The following DCUN1D4 variants were observed in gnomAD, a reference collection of about 807,000 sequenced individuals.
DCUN1D4 encodes the protein DCN1-like protein 4.
In DCUN1D4, 22 loss-of-function variants were observed where a neutral mutation model predicts 47.9. The ratio of observed to expected loss-of-function variants is 0.46; its 90% CI spans 0.33 to 0.66. DCUN1D4 has a LOEUF of 0.66. Among genes scored for constraint, DCUN1D4 ranks in the 30% least tolerant of loss-of-function variants. The probability of loss-of-function intolerance (pLI) is 0.02; values close to 1 mark genes in which losing one functional copy is unlikely to be tolerated. For synonymous variants in DCUN1D4, 121 were observed against 112.2 expected (o/e 1.08, Z -0.50); for missense variants, 301 against 340.8 (o/e 0.88, Z 0.92).
intron 4 of DCUN1D4, chr4:51,875,146 T>C (rs943883321): frequency 8.5e-5 from 13 of 152,184 alleles, no homozygotes; most frequent in Non-Finnish European, 1.6e-4. Flanking sequence ...TTTCTTGCTG[T>C]GACTCAGAGG....
At chr4:51,865,482 C>G (rs566744612) in intron 3 of DCUN1D4, 14 of 153,600 alleles carry the variant, frequency 9.1e-5, no homozygotes, top group Admixed American at 4.6e-4. Flanking sequence ...ACCTCCTCCA[C>G]AGACCAGAGA....
Position 51,915,691 on chromosome 4 carries a change from A to G in DCUN1D4, c.*2107A>G, listed in dbSNP as rs192736804. On this transcript the variant is annotated 3_prime_UTR_variant, in exon 11 of 11. Coordinates refer to ENST00000334635, the MANE Select transcript of DCUN1D4 (RefSeq NM_001040402.3). ...ATGAAGTTATTTTAAACACTATGTT[A>G]GAATATAGAGATTTTTAAAAAATGC... The G allele has an allele frequency of 6.5e-6, 1 of 152,716 alleles. No individual in the cohort carries two copies. The allele number at this position is 152,716 out of a possible 1,614,324, so 9.5% of individuals were successfully genotyped here.
At chr4:51,836,598 C>A in the DCUN1D4 span, among the ~76,000 whole-genome samples, 1 of 152,230 alleles carries the variant, frequency 6.6e-6, no homozygotes, top group South Asian at 2.1e-4. Flanking sequence ...GTGGCTGAGG[C>A]GGCTGTAACC....
In DCUN1D4 at chr4:51,843,179, G is replaced by A. The variant is rs1323716306; in HGVS notation, c.-64G>A. On this transcript the variant is annotated 5_prime_UTR_variant, in exon 1 of 11. Coordinates refer to ENST00000334635, the MANE Select transcript of DCUN1D4 (RefSeq NM_001040402.3). ...GCTTCGAGCCGAGGTGCAGTGAGCT[G>A]GTGGGGGGACCGCGAGGCGAGCGCG... The A allele has an allele frequency of 1.3e-5, 20 of 1,534,976 alleles. No homozygotes were observed. Among genetic ancestry groups the A allele is most frequent in the African/African-American group, 2.8e-5 (2 of 71,852 alleles).
intron 6 of DCUN1D4, among the ~76,000 whole-genome samples, 190 bp from the exon 7 acceptor site, chr4:51,891,570 G>T (rs994862673): frequency 6.6e-6 from 1 of 152,114 alleles, no homozygotes; most frequent in Non-Finnish European, 1.5e-5. Context: ...AGACTATATT[G>T]TCAACTTTTT....
chr4:51,857,546 C>A (rs1335312740), intron 1 of DCUN1D4, among the ~76,000 whole-genome samples: 4 of 152,168 alleles, frequency 2.6e-5, no homozygotes, highest in African/African-American at 9.7e-5. Flanking sequence ...GTTTCAGGGT[C>A]CTGGGAGCAC....
chr4:51,856,643 C>G (rs2109854313), intron 1 of DCUN1D4, among the ~76,000 whole-genome samples: 1 of 152,254 alleles, frequency 6.6e-6, no homozygotes, highest in South Asian at 2.1e-4. Context: ...AAGAGTTTTG[C>G]CCAGCTTGGC....
intron 5 of DCUN1D4, chr4:51,884,446 CAA>C (rs1391521635): frequency 5.3e-5 from 8 of 152,304 alleles, no homozygotes; most frequent in Admixed American, 5.2e-4. Flanking sequence ...ATGTGTCTAA[CAA>C]ATGTTATGGG....
At chr4:51,893,931 T>C (rs911885539) in intron 7 of DCUN1D4, among the ~76,000 whole-genome samples, 2 of 152,210 alleles carry the variant, frequency 1.3e-5, no homozygotes, top group African/African-American at 4.8e-5. Context: ...AAAAGAATAT[T>C]ACCTGATACC....
At chr4:51,890,632 C>T (rs1316070789) in intron 6 of DCUN1D4, among the ~76,000 whole-genome samples, 1 of 152,088 alleles carries the variant, frequency 6.6e-6, no homozygotes, top group Non-Finnish European at 1.5e-5. Context: ...TCTTCTTTAC[C>T]TTTTTAGGAC....
At chr4:51,899,760 C>T (rs1273228714) in intron 8 of DCUN1D4, among the ~76,000 whole-genome samples, 2 of 152,150 alleles carry the variant, frequency 1.3e-5, no homozygotes, top group African/African-American at 2.4e-5. Context: ...TCAGATTCAC[C>T]GTGGGTGCTA....
chr4:51,872,050 G>T (rs1342026821), intron 3 of DCUN1D4, among the ~76,000 whole-genome samples: 1 of 152,200 alleles, frequency 6.6e-6, no homozygotes, highest in African/African-American at 2.4e-5. Flanking sequence ...CCCCAGGAAT[G>T]GTGGCTGAGG....
chr4:51,893,642 G>A (rs1211196770), intron 7 of DCUN1D4, among the ~76,000 whole-genome samples: 1 of 152,128 alleles, frequency 6.6e-6, no homozygotes, highest in Non-Finnish European at 1.5e-5. Flanking sequence ...GGCTAGGCTC[G>A]AACTCCTGAC....
At chr4:51,907,407 A>G (rs1733057381) in intron 8 of DCUN1D4, among the ~76,000 whole-genome samples, 1 of 152,122 alleles carries the variant, frequency 6.6e-6, no homozygotes, top group African/African-American at 2.4e-5. Flanking sequence ...ACAGCCCTCT[A>G]TTTTTATCTT....
chr4:51,904,344 C>T (rs1333979198), intron 8 of DCUN1D4, among the ~76,000 whole-genome samples: 7 of 152,144 alleles, frequency 4.6e-5, no homozygotes, highest in Admixed American at 3.9e-4. Context: ...GACTTCTGCT[C>T]ACTCATTTGC....
At chr4:51,893,028 C>A (rs1262305383) in intron 7 of DCUN1D4, among the ~76,000 whole-genome samples, 1 of 152,170 alleles carries the variant, frequency 6.6e-6, no homozygotes, top group Admixed American at 6.5e-5. Context: ...CACTATTCTC[C>A]CATTTGAATG....
chr4:51,899,444 AG>A, intron 8 of DCUN1D4, 66 bp downstream of exon 8: 2 of 1,516,010 alleles, frequency 1.3e-6, no homozygotes, highest in African/African-American at 1.4e-5. Context: ...TTGCCTTTTG[AG>A]GTTAGTTTTT....
chr4:51,881,375 C>T (rs1728588148), intron 5 of DCUN1D4, among the ~76,000 whole-genome samples: 1 of 152,120 alleles, frequency 6.6e-6, no homozygotes, highest in Non-Finnish European at 1.5e-5. Flanking sequence ...CAGTCATGGA[C>T]AGTTGCAACA....
chr4:51,900,409 A>G (rs185508885), intron 8 of DCUN1D4, among the ~76,000 whole-genome samples: 2 of 152,306 alleles, frequency 1.3e-5, no homozygotes, highest in East Asian at 3.9e-4. Context: ...ACAGTGTTTG[A>G]TAAAATGGCA....
Sources: gnomAD v4.1 joint callset for allele counts (sites outside exome capture counted in the v4.1 genomes callset) on GRCh38, gnomAD v4.1.1 for gene constraint, MANE v1.5 for transcripts, NCBI Gene and HGNC (gene_info 2026-07-23, HGNC 2026-07-21) for gene names.